LRRC49: variants seen among roughly 807,000 people sequenced by gnomAD.
LRRC49 encodes the protein leucine-rich repeat-containing protein 49.
In LRRC49, 50 loss-of-function variants were observed where a neutral mutation model predicts 83.3. That is an observed-to-expected ratio of 0.60 (90% CI 0.48 to 0.76). LRRC49 has a LOEUF of 0.76. Ranked by LOEUF, LRRC49 falls within the 30% of genes least tolerant of loss-of-function variation. The pLI is 0.00. For synonymous variants in LRRC49, 286 were observed against 283.3 expected, an observed-to-expected ratio of 1.01 and a Z score of -0.10; for missense variants, 704 against 809.1, an observed-to-expected ratio of 0.87 and a Z score of 1.58.
intron 2 of LRRC49, among the ~76,000 whole-genome samples, chr15:70,885,148 C>T (rs995730698): frequency 6.6e-6 from 1 of 152,050 alleles, no homozygotes; most frequent in African/African-American, 2.4e-5. Context: ...AGCTTAGAGG[C>T]AGAATTTCCA....
rs144253227 is a variant in LRRC49, at chr15:70,879,562, G to T, written c.18+6339G>T. 9.8e-5 allele frequency among the ~76,000 whole-genome samples: 15 copies of T among 152,326 alleles called. No individual in the cohort carries two copies. The East Asian group carries it at 2.9e-3, about 29-fold the overall frequency. Reference sequence around the variant, plus strand: ...AGCAGCTAAGCTAAGGCTTGCAACCGTTGTTTTATGCCGGGCCCCCAGAGG... The same window carrying T: ...AGCAGCTAAGCTAAGGCTTGCAACCTTTGTTTTATGCCGGGCCCCCAGAGG... On this transcript the variant is annotated intron_variant, in intron 2 of 16. Transcript: ENST00000544974.
At chr15:71,006,970 T>A (rs901549754) in intron 11 of LRRC49, among the ~76,000 whole-genome samples, 3 of 152,082 alleles carry the variant, frequency 2.0e-5, no homozygotes, top group Non-Finnish European at 2.9e-5. Context: ...TTTCTAAGAT[T>A]ATTATCTAAG....
intron 13 of LRRC49, among the ~76,000 whole-genome samples, chr15:71,010,819 A>C (rs1157994655): frequency 2.0e-5 from 3 of 152,018 alleles, no homozygotes; most frequent in South Asian, 2.1e-4. Context: ...GAAAAAAAAA[A>C]CATCTTTAAT....
At chr15:70,970,337 C>T (rs1016689120) in intron 9 of LRRC49, among the ~76,000 whole-genome samples, 5 of 152,092 alleles carry the variant, frequency 3.3e-5, no homozygotes, top group Admixed American at 1.3e-4. Flanking sequence ...CTGGGTTGAT[C>T]GTGGTGGATA....
At chr15:70,957,896 T>TA (rs1679511518) in intron 8 of LRRC49, among the ~76,000 whole-genome samples, 2 of 152,186 alleles carry the variant, frequency 1.3e-5, no homozygotes, top group African/African-American at 2.4e-5. Flanking sequence ...CAAATATATA[T>TA]TTTTTATAGT....
chr15:70,888,195 T>C (rs1427054236), upstream of LRRC49, among the ~76,000 whole-genome samples: 7 of 152,306 alleles, frequency 4.6e-5, no homozygotes, highest in East Asian at 1.3e-3. Context: ...CTGAAATGTA[T>C]CTAGAAATCT....
At chr15:70,940,251 ATTTTTTTT>A (rs398027829) in intron 8 of LRRC49, among the ~76,000 whole-genome samples, 2 of 87,076 alleles carry the variant, frequency 2.3e-5, no homozygotes, top group Non-Finnish European at 2.4e-5. Context: ...GAATATATGG[ATTTTTTTT>A]TTTTTTTTTT....
At chr15:70,915,021 T>C (rs1242290596) in intron 6 of LRRC49, among the ~76,000 whole-genome samples, 1 of 152,238 alleles carries the variant, frequency 6.6e-6, no homozygotes, top group Non-Finnish European at 1.5e-5. Context: ...CTTTCCAACA[T>C]TCCCATCATC....
intron 11 of LRRC49, among the ~76,000 whole-genome samples, chr15:70,987,078 A>T (rs1019580217): frequency 1.3e-5 from 2 of 152,130 alleles, no homozygotes; most frequent in African/African-American, 4.8e-5. Flanking sequence ...TTCATCAAGG[A>T]TATTGGTCTA....
At chr15:71,045,656 CATT>C (rs1459951266) in intron 15 of LRRC49, among the ~76,000 whole-genome samples, 1 of 152,068 alleles carries the variant, frequency 6.6e-6, no homozygotes, top group African/African-American at 2.4e-5. Flanking sequence ...TTTCACATAA[CATT>C]ATGATTTAAG....
At chr15:70,853,975 CG>C in intron 1 of LRRC49, 1 of 1,461,096 alleles carries the variant, frequency 6.8e-7, no homozygotes, top group African/African-American at 1.5e-5. Context: ...CCCGAGTCTC[CG>C]CCCCCTCCTC....
intron 11 of LRRC49, among the ~76,000 whole-genome samples, chr15:70,994,745 G>A (rs2038019601): frequency 6.6e-6 from 1 of 152,190 alleles, no homozygotes; most frequent in Non-Finnish European, 1.5e-5. Context: ...AAAGTGCTGG[G>A]ATTACAGGCA....
intron 9 of LRRC49, among the ~76,000 whole-genome samples, chr15:70,972,391 A>G (rs2037040232): frequency 6.6e-6 from 1 of 152,156 alleles, no homozygotes; most frequent in African/African-American, 2.4e-5. Flanking sequence ...AGATAACGCA[A>G]CCTTTCTCTC....
intron 11 of LRRC49, among the ~76,000 whole-genome samples, chr15:70,995,437 A>T (rs543202854): frequency 6.6e-6 from 1 of 151,902 alleles, no homozygotes; most frequent in African/African-American, 2.4e-5. Context: ...ATCAGAGTGG[A>T]TTGTTGGAAA....
At chr15:70,953,253 TA>T (rs920268872) in intron 8 of LRRC49, among the ~76,000 whole-genome samples, 1 of 152,226 alleles carries the variant, frequency 6.6e-6, no homozygotes, top group Non-Finnish European at 1.5e-5. Context: ...AGTATGTCTT[TA>T]TGGTGGCAGG....
intron 7 of LRRC49, among the ~76,000 whole-genome samples, chr15:70,930,148 G>A (rs759603113): frequency 6.6e-6 from 1 of 152,122 alleles, no homozygotes; most frequent in African/African-American, 2.4e-5. Context: ...GGCAGCTAAA[G>A]CCTTATGAAA....
At chr15:70,929,680 C>T (rs1033117510) in intron 7 of LRRC49, among the ~76,000 whole-genome samples, 11 of 152,130 alleles carry the variant, frequency 7.2e-5, no homozygotes, top group African/African-American at 2.2e-4. Context: ...AATTGAAATC[C>T]GTCCTCTCAA....
chr15:70,870,270 A>T (rs938259149), intron 1 of LRRC49, among the ~76,000 whole-genome samples: 6 of 152,248 alleles, frequency 3.9e-5, no homozygotes, highest in African/African-American at 1.4e-4. Flanking sequence ...ATTGGGAGGG[A>T]TTGCTGCAGA....
At chr15:70,984,780 T>TC (rs1394683770) in intron 11 of LRRC49, among the ~76,000 whole-genome samples, 1 of 79,886 alleles carries the variant, frequency 1.3e-5, no homozygotes, top group East Asian at 4.4e-4. Flanking sequence ...CCCTCCCCCC[T>TC]CCCCCCACCC....
Sources: allele counts gnomAD v4.1 joint callset (sites outside exome capture counted in the v4.1 genomes callset), GRCh38; gene constraint gnomAD v4.1.1; transcripts MANE v1.5; gene names NCBI Gene and HGNC (gene_info 2026-07-23, HGNC 2026-07-21).